The following OSBP2 variants were observed in gnomAD, a reference collection of about 807,000 sequenced individuals.
The protein encoded by OSBP2 is oxysterol binding protein 2.
A neutral mutation model predicts 96.0 loss-of-function variants in OSBP2; 66 were observed. The observed-to-expected ratio is 0.69, with a 90% CI of 0.56 to 0.84. OSBP2 has a LOEUF of 0.84. OSBP2 is among the 40% of genes least tolerant of loss of function. The pLI is 0.00. For synonymous variants in OSBP2, 525 were observed against 520.9 expected (o/e 1.01, Z -0.11); for missense variants, 1,038 against 1,222.7 (o/e 0.85, Z 2.25).
intron 2 of OSBP2, among the ~76,000 whole-genome samples, chr22:30,816,161 A>C (rs538937719): frequency 6.6e-6 from 1 of 152,336 alleles, no homozygotes; most frequent in East Asian, 1.9e-4. Context: ...CTTTTATATA[A>C]GGATACGCCA....
chr22:30,735,294 A>G (rs561903229), intron 1 of OSBP2, among the ~76,000 whole-genome samples: 1 of 151,032 alleles, frequency 6.6e-6, no homozygotes, highest in African/African-American at 2.4e-5. Flanking sequence ...AATCTGCTAT[A>G]TTTTCATTTT....
At chr22:30,730,806 ATAATTTT>A (rs2089762479) in intron 1 of OSBP2, among the ~76,000 whole-genome samples, 1 of 41,562 alleles carries the variant, frequency 2.4e-5, no homozygotes, top group Non-Finnish European at 4.1e-5. Flanking sequence ...ATATATATAT[ATAATTTT>A]TTTTTTTTTT....
At chr22:30,718,244 A>G (rs1331516172) in intron 1 of OSBP2, among the ~76,000 whole-genome samples, 1 of 152,198 alleles carries the variant, frequency 6.6e-6, no homozygotes, top group Non-Finnish European at 1.5e-5. Flanking sequence ...TACAAAGTCC[A>G]GTGGCAAAAG....
intron 1 of OSBP2, among the ~76,000 whole-genome samples, chr22:30,736,671 T>C (rs1839006914): frequency 6.6e-6 from 1 of 152,234 alleles, no homozygotes; most frequent in Non-Finnish European, 1.5e-5. Flanking sequence ...GTTAACATCT[T>C]ACCTCACCAA....
Position 30,893,468 on chromosome 22 carries a change from A to G in OSBP2, c.1996A>G (p.Ile666Val). The G allele has an allele frequency of 6.2e-7, 1 of 1,613,730 alleles. No individual in the cohort carries two copies. The highest frequency in any genetic ancestry group is 1.1e-5 in the South Asian group (1 of 91,072). The change falls in exon 10 of 14, where the codon ATC (isoleucine) becomes GTC (valine). Residue 666 changes from isoleucine (I) to valine (V), a missense_variant. By Grantham distance (29) the Ile-to-Val change is conservative (BLOSUM62 3). Coordinates refer to ENST00000332585, the MANE Select transcript of OSBP2 (RefSeq NM_030758.4). ...KYISIMPLGAIHLEFQASGNH... is the reference protein window; with the variant it reads ...KYISIMPLGAVHLEFQASGNH... ...GACCTGTCCCCTGCCTCCAGGTGCC[A>G]TCCACTTAGAATTCCAGGCCAGTGG...
intron 2 of OSBP2, among the ~76,000 whole-genome samples, chr22:30,821,945 T>C (rs898324242): frequency 2.0e-5 from 3 of 152,126 alleles, no homozygotes; most frequent in African/African-American, 7.2e-5. Flanking sequence ...GACAGTGGAG[T>C]TGTGTTCAAA....
intron 1 of OSBP2, among the ~76,000 whole-genome samples, chr22:30,740,937 C>G (rs191444082): frequency 4.8e-4 from 73 of 152,314 alleles, no homozygotes; most frequent in African/African-American, 1.7e-3. Flanking sequence ...AATGCAGGCT[C>G]CCGTCCCTCT....
chr22:30,717,445 C>T (rs747748163), intron 1 of OSBP2, among the ~76,000 whole-genome samples: 1 of 152,118 alleles, frequency 6.6e-6, no homozygotes, highest in African/African-American at 2.4e-5. Flanking sequence ...TTTTGAAAAA[C>T]GCCTACACTA....
At chr22:30,788,465 T>G (rs1255179166) in intron 2 of OSBP2, among the ~76,000 whole-genome samples, 2 of 152,142 alleles carry the variant, frequency 1.3e-5, no homozygotes, top group Admixed American at 6.5e-5. Context: ...GAATGAGCTC[T>G]GGGGCAGCTG....
chr22:30,799,618 G>C (rs1242910877), intron 2 of OSBP2, among the ~76,000 whole-genome samples: 1 of 152,234 alleles, frequency 6.6e-6, no homozygotes, highest in Non-Finnish European at 1.5e-5. Context: ...GCTTTTAAAA[G>C]CTAGTTGTTA....
rs370573439 is a variant in OSBP2, at chr22:30,902,124, ACG to A, written c.2376-3712_2376-3711del. ...TAGCAATATAAGAAAAAAAAAAAAA[ACG>A]AAAAAAAAAAAACCAAAAAAAAAAA... On this transcript the variant is annotated intron_variant, in intron 12 of 13. Transcript: ENST00000332585. 4.4e-4 allele frequency: 79 copies of A among 180,566 alleles called. 2 individuals carry two copies. The highest frequency in any genetic ancestry group is 3.7e-3 in the African/African-American group (40 of 10,682). The allele number at this position is 180,566 out of a possible 1,614,324, so 11.2% of individuals were successfully genotyped here.
chr22:30,694,472 A>G (rs986856339), upstream of OSBP2: 21 of 1,207,110 alleles, frequency 1.7e-5, no homozygotes, highest in South Asian at 1.6e-5. Flanking sequence ...CGGAGAGCGA[A>G]CCCACCCCAG....
chr22:30,809,512 C>T (rs994762049), intron 2 of OSBP2, among the ~76,000 whole-genome samples: 50 of 152,180 alleles, frequency 3.3e-4, no homozygotes, highest in African/African-American at 1.1e-3. Context: ...GGAGCGAAAG[C>T]CAGGCTATCT....
At chr22:30,764,000 C>T (rs2090239063) in intron 2 of OSBP2, among the ~76,000 whole-genome samples, 1 of 152,192 alleles carries the variant, frequency 6.6e-6, no homozygotes, top group South Asian at 2.1e-4. Context: ...GAAGCACCAG[C>T]AGGTTGGCTG....
At chr22:30,811,093 C>T (rs1053249414) in intron 2 of OSBP2, among the ~76,000 whole-genome samples, 3 of 151,944 alleles carry the variant, frequency 2.0e-5, no homozygotes, top group East Asian at 1.9e-4. Flanking sequence ...GAGATATACT[C>T]ACCAATTTGT....
At chr22:30,885,747 G>C (rs115324028) in intron 3 of OSBP2, among the ~76,000 whole-genome samples, 1 of 152,178 alleles carries the variant, frequency 6.6e-6, no homozygotes, top group Non-Finnish European at 1.5e-5. Context: ...CAGAATGCTC[G>C]GGCCCTACCA....
At chr22:30,727,586 C>A (rs547907854) in intron 1 of OSBP2, among the ~76,000 whole-genome samples, 1 of 152,178 alleles carries the variant, frequency 6.6e-6, no homozygotes, top group Admixed American at 6.5e-5. Flanking sequence ...TACCTGGACA[C>A]TGCATGTTGA....
At chr22:30,880,930 C>G (rs8140628) in intron 3 of OSBP2, among the ~76,000 whole-genome samples, 1 of 152,212 alleles carries the variant, frequency 6.6e-6, no homozygotes, top group Non-Finnish European at 1.5e-5. Flanking sequence ...GCAGCCCTTA[C>G]AGCCTTCTTC....
At chr22:30,719,932 A>G (rs2089522092) in intron 1 of OSBP2, among the ~76,000 whole-genome samples, 2 of 152,098 alleles carry the variant, frequency 1.3e-5, no homozygotes. Flanking sequence ...CTGTTCATTG[A>G]CTTCTTCCCA....
Sources: allele counts gnomAD v4.1 joint callset (sites outside exome capture counted in the v4.1 genomes callset), GRCh38; gene constraint gnomAD v4.1.1; transcripts MANE v1.5; gene names NCBI Gene and HGNC (gene_info 2026-07-23, HGNC 2026-07-21).